The following LGR4 variants were observed in gnomAD, a reference collection of about 807,000 sequenced individuals.
LGR4 encodes the protein leucine-rich repeat-containing G protein-coupled receptor 4.
In LGR4, 44 loss-of-function variants were observed where a neutral mutation model predicts 84.8. The ratio of observed to expected loss-of-function variants is 0.52; its 90% CI spans 0.41 to 0.67. The LOEUF is 0.67. Ranked by LOEUF, LGR4 falls within the 30% of genes least tolerant of loss-of-function variation. The probability of loss-of-function intolerance (pLI) is 0.00; values close to 1 mark genes in which losing one functional copy is unlikely to be tolerated. For missense variants in LGR4, 1,032 were observed against 1,131.4 expected, an observed-to-expected ratio of 0.91 and a Z score of 1.26; for synonymous variants, 429 against 434.3, an observed-to-expected ratio of 0.99 and a Z score of 0.15.
chr11:27,458,885 G>T (rs910030140), intron 1 of LGR4, among the ~76,000 whole-genome samples: 1 of 152,154 alleles, frequency 6.6e-6, no homozygotes, highest in Admixed American at 6.5e-5. Flanking sequence ...AAGTAAGGAA[G>T]ATGGAACATC....
intron 1 of LGR4, among the ~76,000 whole-genome samples, chr11:27,455,334 A>G (rs1168732795): frequency 6.6e-6 from 1 of 152,224 alleles, no homozygotes; most frequent in Non-Finnish European, 1.5e-5. Context: ...GAGCCAGATC[A>G]ACTGCCAGCT....
intron 1 of LGR4, among the ~76,000 whole-genome samples, chr11:27,459,412 C>T (rs1039553350): frequency 4.6e-5 from 7 of 151,802 alleles, no homozygotes; most frequent in African/African-American, 7.3e-5. Context: ...GATGTCACAG[C>T]GGGGGGTTTT....
At chr11:27,387,340 A>T (rs569409477) in intron 4 of LGR4, among the ~76,000 whole-genome samples, 1 of 152,152 alleles carries the variant, frequency 6.6e-6, no homozygotes, top group South Asian at 2.1e-4. Flanking sequence ...TACTCTAAAA[A>T]CTACCTCTGG....
intron 6 of LGR4, among the ~76,000 whole-genome samples, chr11:27,383,371 T>C (rs1207593828): frequency 6.6e-6 from 1 of 152,214 alleles, no homozygotes; most frequent in Non-Finnish European, 1.5e-5. Flanking sequence ...AATTTTAACA[T>C]AATTGAAATA....
chr11:27,405,829 C>T (rs1304392340), intron 2 of LGR4, among the ~76,000 whole-genome samples: 4 of 152,128 alleles, frequency 2.6e-5, no homozygotes, highest in Non-Finnish European at 5.9e-5. Context: ...TAGACGATTG[C>T]CAGTGGCATT....
chr11:27,460,052 T>C lies in LGR4; in HGVS notation c.185+12066A>G, dbSNP rs568881523. On this transcript the variant is annotated intron_variant, in intron 1 of 17. Coordinates refer to ENST00000379214, the MANE Select transcript of LGR4 (RefSeq NM_018490.5). ...CTACAGTGAGCCGAGATGGCACCAC[T>C]ATGCTTAAGCCTGGGCAACTGAACA... Among the ~76,000 whole-genome samples the C allele has an allele frequency of 8.7e-4, 132 of 152,214 alleles. 1 individual carries two copies. The highest frequency in any genetic ancestry group is 3.1e-3 in the African/African-American group (128 of 41,558).
intron 1 of LGR4, among the ~76,000 whole-genome samples, chr11:27,461,706 C>T (rs1368337270): frequency 6.6e-6 from 1 of 151,896 alleles, no homozygotes; most frequent in Non-Finnish European, 1.5e-5. Flanking sequence ...AATTCTTCTT[C>T]CAGTGTGGTC....
At chr11:27,447,169 G>C (rs926352425) in intron 1 of LGR4, among the ~76,000 whole-genome samples, 8 of 151,774 alleles carry the variant, frequency 5.3e-5, no homozygotes, top group Admixed American at 4.6e-4. Context: ...ATGTACCCTA[G>C]AACTTAAAGT....
At chr11:27,405,053 C>T (rs1018187337) in intron 2 of LGR4, among the ~76,000 whole-genome samples, 4 of 152,310 alleles carry the variant, frequency 2.6e-5, no homozygotes, top group Admixed American at 6.5e-5. Flanking sequence ...TGCAGTACAA[C>T]TTCTAAGCTT....
chr11:27,397,751 C>T (rs931457723), intron 2 of LGR4, among the ~76,000 whole-genome samples: 1 of 152,164 alleles, frequency 6.6e-6, no homozygotes, highest in African/African-American at 2.4e-5. Context: ...CACTGGTCCA[C>T]AGTAGTATCT....
intron 2 of LGR4, among the ~76,000 whole-genome samples, chr11:27,397,594 T>C (rs987071246): frequency 6.6e-6 from 1 of 152,216 alleles, no homozygotes; most frequent in Middle Eastern, 3.2e-3. Context: ...TCTTATTTCA[T>C]TTCTACTCCC....
At chr11:27,451,806 T>C (rs1232511865) in intron 1 of LGR4, among the ~76,000 whole-genome samples, 2 of 152,216 alleles carry the variant, frequency 1.3e-5, no homozygotes, top group African/African-American at 4.8e-5. Context: ...TCATTCCTCA[T>C]ACTAAGACTG....
chr11:27,437,928 A>T (rs888254073), intron 1 of LGR4, among the ~76,000 whole-genome samples: 4 of 152,016 alleles, frequency 2.6e-5, no homozygotes, highest in Admixed American at 2.0e-4. Context: ...AGATGGAAGG[A>T]CAACTTGAGC....
chr11:27,369,382 T>G (rs770244539), intron 17 of LGR4, among the ~76,000 whole-genome samples: 3 of 152,206 alleles, frequency 2.0e-5, no homozygotes, highest in Non-Finnish European at 4.4e-5. Flanking sequence ...ATATTTCTTT[T>G]ATTAAATATT....
intron 1 of LGR4, among the ~76,000 whole-genome samples, chr11:27,456,128 G>A (rs1189369230): frequency 6.6e-6 from 1 of 152,128 alleles, no homozygotes; most frequent in Admixed American, 6.5e-5. Context: ...ACAACCTTTA[G>A]AATCACCAAG....
chr11:27,454,558 G>A (rs1157193827), intron 1 of LGR4, among the ~76,000 whole-genome samples: 2 of 152,050 alleles, frequency 1.3e-5, no homozygotes, highest in Non-Finnish European at 2.9e-5. Flanking sequence ...TCAGGAGTTC[G>A]AGACCAGTCT....
chr11:27,417,261 A>G (rs1863838539), intron 1 of LGR4, among the ~76,000 whole-genome samples: 1 of 152,126 alleles, frequency 6.6e-6, no homozygotes, highest in African/African-American at 2.4e-5. Context: ...AAAAGAAAAA[A>G]AAAATGATGG....
intron 1 of LGR4, among the ~76,000 whole-genome samples, chr11:27,428,764 G>A (rs564291603): frequency 2.6e-5 from 4 of 151,778 alleles, no homozygotes; most frequent in Non-Finnish European, 4.4e-5. Context: ...GTTTTTTTAC[G>A]ACATAGGCTC....
At chr11:27,433,376 C>T (rs983502059) in intron 1 of LGR4, among the ~76,000 whole-genome samples, 1 of 146,598 alleles carries the variant, frequency 6.8e-6, no homozygotes. Context: ...CCATGCACGC[C>T]CGGCTAATTT....
Sources: allele counts gnomAD v4.1 joint callset (sites outside exome capture counted in the v4.1 genomes callset), GRCh38; gene constraint gnomAD v4.1.1; transcripts MANE v1.5; gene names NCBI Gene and HGNC (gene_info 2026-07-23, HGNC 2026-07-21).